ST8SIA2: variants seen among roughly 807,000 people sequenced by gnomAD.
The protein encoded by ST8SIA2 is alpha-2,8-sialyltransferase 8B.
Under a neutral mutation model 37.6 loss-of-function variants are expected in ST8SIA2, and 22 were observed. That is an observed-to-expected ratio of 0.58 (90% CI 0.42 to 0.83). The LOEUF (loss-of-function observed/expected upper bound fraction) is 0.83. Among genes scored for constraint, ST8SIA2 ranks in the 40% least tolerant of loss-of-function variants. The pLI, the probability that ST8SIA2 is intolerant of heterozygous loss-of-function variation, is 0.00. For missense variants in ST8SIA2, 382 were observed against 484.7 expected (o/e 0.79, Z 1.99); for synonymous variants, 205 against 201.2 (o/e 1.02, Z -0.16).
intron 4 of ST8SIA2, among the ~76,000 whole-genome samples, chr15:92,439,882 G>C: frequency 6.6e-6 from 1 of 152,232 alleles, no homozygotes; most frequent in Non-Finnish European, 1.5e-5. Flanking sequence ...AGGTGAGTGT[G>C]TGGGGGCCAA....
intron 5 of ST8SIA2, among the ~76,000 whole-genome samples, chr15:92,455,301 C>T (rs1266884921): frequency 6.6e-6 from 1 of 151,906 alleles, no homozygotes; most frequent in Non-Finnish European, 1.5e-5. Flanking sequence ...AAAGGAGGGA[C>T]GTCTGTGATA....
At chr15:92,419,731 A>G (rs1222462172) in intron 1 of ST8SIA2, among the ~76,000 whole-genome samples, 1 of 152,148 alleles carries the variant, frequency 6.6e-6, no homozygotes, top group Non-Finnish European at 1.5e-5. Flanking sequence ...TCTGCCCACA[A>G]CTTTTCACTA....
intron 5 of ST8SIA2, among the ~76,000 whole-genome samples, chr15:92,451,822 C>T (rs910001109): frequency 5.9e-5 from 9 of 152,186 alleles, no homozygotes; most frequent in Admixed American, 2.6e-4. Flanking sequence ...CAAGATCCCA[C>T]GGCTGGTTAG....
chr15:92,432,470 C>G (rs1273461211), intron 2 of ST8SIA2, among the ~76,000 whole-genome samples: 1 of 152,196 alleles, frequency 6.6e-6, no homozygotes, highest in Non-Finnish European at 1.5e-5. Flanking sequence ...TCTGTCTCTT[C>G]TACACCTTGT....
intron 1 of ST8SIA2, 121 bp from the exon 2 acceptor site, chr15:92,429,928 G>A (rs2049702863): frequency 9.3e-7 from 1 of 1,075,582 alleles, no homozygotes; most frequent in African/African-American, 1.6e-5. Flanking sequence ...GCAGAGTCCA[G>A]AATGAGGTCT....
chr15:92,440,610 G>T (rs2049794327), intron 4 of ST8SIA2, among the ~76,000 whole-genome samples: 1 of 152,132 alleles, frequency 6.6e-6, no homozygotes, highest in African/African-American at 2.4e-5. Context: ...GTGTCTCTGG[G>T]GTGGACCTGT....
intron 5 of ST8SIA2, among the ~76,000 whole-genome samples, chr15:92,458,804 C>A (rs754078410): frequency 6.6e-6 from 1 of 152,012 alleles, no homozygotes. Flanking sequence ...GGAGGAGGTG[C>A]CATGAAACAG....
intron 5 of ST8SIA2, among the ~76,000 whole-genome samples, chr15:92,447,932 A>G (rs1470269361): frequency 6.6e-6 from 1 of 151,842 alleles, no homozygotes; most frequent in Non-Finnish European, 1.5e-5. Context: ...CCTTCCTAGA[A>G]GGAGGAAACT....
intron 5 of ST8SIA2, among the ~76,000 whole-genome samples, chr15:92,445,683 G>C (rs2049837266): frequency 6.6e-6 from 1 of 152,194 alleles, no homozygotes; most frequent in Non-Finnish European, 1.5e-5. Context: ...GAGTTTTGAT[G>C]TAACTAATTA....
intron 1 of ST8SIA2, among the ~76,000 whole-genome samples, chr15:92,397,337 A>G (rs968496234): frequency 7.2e-5 from 11 of 152,166 alleles, no homozygotes; most frequent in East Asian, 3.8e-4. Context: ...CTGAAAAGTT[A>G]TACATCATGA....
chr15:92,426,910 A>G (rs532420187), intron 1 of ST8SIA2, among the ~76,000 whole-genome samples: 1 of 152,200 alleles, frequency 6.6e-6, no homozygotes, highest in Non-Finnish European at 1.5e-5. Flanking sequence ...CCTGGCCAAC[A>G]TGGTGAAACC....
At chr15:92,453,955 A>G (rs2049901298) in intron 5 of ST8SIA2, among the ~76,000 whole-genome samples, 1 of 152,290 alleles carries the variant, frequency 6.6e-6, no homozygotes, top group East Asian at 1.9e-4. Flanking sequence ...AAATAAGATC[A>G]TCTGAAATGG....
chr15:92,456,921 C>T (rs562462626), intron 5 of ST8SIA2, among the ~76,000 whole-genome samples: 3 of 152,350 alleles, frequency 2.0e-5, no homozygotes, highest in African/African-American at 7.2e-5. Context: ...GACTCAGCAT[C>T]CCCATGCCTT....
chr15:92,427,987 A>T (rs552266009), intron 1 of ST8SIA2, among the ~76,000 whole-genome samples: 1 of 152,150 alleles, frequency 6.6e-6, no homozygotes, highest in Non-Finnish European at 1.5e-5. Flanking sequence ...GGTCTCAAAA[A>T]AACAAACAAA....
intron 1 of ST8SIA2, among the ~76,000 whole-genome samples, chr15:92,401,969 G>A (rs953423349): frequency 2.6e-5 from 4 of 151,596 alleles, no homozygotes; most frequent in African/African-American, 9.7e-5. Flanking sequence ...GTTGCCAGCT[G>A]CCATTGCCTG....
chr15:92,437,793 A>G (rs977916426), intron 3 of ST8SIA2, among the ~76,000 whole-genome samples: 1 of 152,144 alleles, frequency 6.6e-6, no homozygotes, highest in Admixed American at 6.5e-5. Flanking sequence ...TTCTGCTCCT[A>G]GACAAATTTA....
At chr15:92,453,859 G>C (rs1435990191) in intron 5 of ST8SIA2, among the ~76,000 whole-genome samples, 1 of 152,212 alleles carries the variant, frequency 6.6e-6, no homozygotes, top group Admixed American at 6.5e-5. Flanking sequence ...TTGGCTCATA[G>C]ATTTGCTCTG....
intron 4 of ST8SIA2, among the ~76,000 whole-genome samples, chr15:92,441,010 C>T (rs567215281): frequency 9.2e-5 from 14 of 152,248 alleles, no homozygotes; most frequent in Non-Finnish European, 1.9e-4. Flanking sequence ...CCGTACAAGG[C>T]TGTGCCAGGC....
At chr15:92,424,257 C>G (rs768072362) in intron 1 of ST8SIA2, among the ~76,000 whole-genome samples, 9 of 152,212 alleles carry the variant, frequency 5.9e-5, no homozygotes, top group Non-Finnish European at 1.0e-4. Flanking sequence ...GTGGGAAATT[C>G]TAACACAGCT....
Sources: allele counts gnomAD v4.1 joint callset (sites outside exome capture counted in the v4.1 genomes callset), GRCh38; gene constraint gnomAD v4.1.1; transcripts MANE v1.5; gene names NCBI Gene and HGNC (gene_info 2026-07-23, HGNC 2026-07-21).